Variants in ABL1 observed in about 807,000 individuals in gnomAD.
ABL1 encodes the protein tyrosine-protein kinase ABL1.
Under a neutral mutation model 94.7 loss-of-function variants are expected in ABL1, and 11 were observed. That is an observed-to-expected ratio of 0.12 (90% confidence interval 0.07 to 0.19). The LOEUF is 0.19. Ranked by LOEUF, ABL1 falls within the 10% of genes least tolerant of loss-of-function variation. ABL1 has a pLI of 1.00. For synonymous variants in ABL1, 656 were observed against 622.4 expected (o/e 1.05, Z -0.80); for missense variants, 1,082 against 1,489.4 (o/e 0.73, Z 4.50).
chr9:130,795,293 C>T (rs1829960497), intron 1 of ABL1, among the ~76,000 whole-genome samples: 1 of 152,178 alleles, frequency 6.6e-6, no homozygotes, highest in South Asian at 2.1e-4. Context: ...CTGACCTTTC[C>T]TTAATACAGC....
At chr9:130,767,864 A>G (rs1832204008) in intron 1 of ABL1, among the ~76,000 whole-genome samples, 1 of 152,252 alleles carries the variant, frequency 6.6e-6, no homozygotes, top group Non-Finnish European at 1.5e-5. Context: ...TGCAGAAGAA[A>G]GTGACATGTT....
Position 130,885,025 on chromosome 9 carries a change from G to A in ABL1, c.2735G>A (p.Gly912Glu), listed in dbSNP as rs1168825454. Reference sequence around the variant, plus strand: ...GCAGCCTCTGCAGGGAAGGCTGGAGGAAAGCCCTCGCAGAGCCCGAGCCAG... The same window carrying A: ...GCAGCCTCTGCAGGGAAGGCTGGAGAAAAGCCCTCGCAGAGCCCGAGCCAG... ...PPAASAGKAG[G>E]KPSQSPSQEA... Residue 912 changes from glycine to glutamate, a missense_variant, in exon 11 of 11, where the codon GGA becomes GAA. Physicochemically the swap from Gly to Glu is moderately conservative, Grantham distance 98. This residue lies in a region of ABL1 where 780 missense variants were observed against 835.8 expected (regional missense o/e 0.93). Coordinates refer to ENST00000318560, the MANE Select transcript of ABL1 (RefSeq NM_005157.6). 1 of 1,611,406 alleles carries A rather than the reference G, an allele frequency of 6.2e-7. No individual in the cohort carries two copies. The highest frequency in any genetic ancestry group is 1.3e-5 in the African/African-American group (1 of 74,922).
In ABL1 at chr9:130,824,738, G is replaced by A. The variant is rs35936531; in HGVS notation, c.137-29326G>A. Among the ~76,000 whole-genome samples the A allele has an allele frequency of 1.1e-4, 17 of 152,272 alleles. No individual in the cohort carries two copies. The East Asian group carries it at 3.1e-3, about 28-fold the overall frequency. ...TTTCAAGCGGCTGCATGGCCACTGA[G>A]CGAGCCCTTTCCTGCCATCACCACA... On this transcript the variant is annotated intron_variant, in intron 1 of 10. Transcript: ENST00000372348.
At chr9:130,850,954 C>T (rs1220873189) in intron 1 of ABL1, among the ~76,000 whole-genome samples, 4 of 151,960 alleles carry the variant, frequency 2.6e-5, no homozygotes, top group Admixed American at 2.6e-4. Context: ...GAGAGAGTCT[C>T]GCTCTGTCAC....
chr9:130,833,105 AT>A (rs200586612), upstream of ABL1, among the ~76,000 whole-genome samples: 3,230 of 149,220 alleles, frequency 0.022, 85 homozygotes, highest in African/African-American at 0.06. Context: ...GCTTAAAAAA[AT>A]AAACATATAC....
intron 1 of ABL1, among the ~76,000 whole-genome samples, chr9:130,755,734 T>A (rs1832034010): frequency 6.6e-6 from 1 of 152,218 alleles, no homozygotes; most frequent in Admixed American, 6.5e-5. Flanking sequence ...GCAAATGACG[T>A]TGCCACCAGC....
At chr9:130,871,783 G>T (rs1033981078) in intron 4 of ABL1, among the ~76,000 whole-genome samples, 6 of 152,236 alleles carry the variant, frequency 3.9e-5, no homozygotes, top group African/African-American at 9.6e-5. Flanking sequence ...CACGTTTGTG[G>T]TGTTTGCCCG....
intron 3 of ABL1, 115 bp downstream of exon 3, chr9:130,855,211 T>C (rs1564312673): frequency 1.6e-6 from 2 of 1,240,836 alleles, no homozygotes; most frequent in Non-Finnish European, 2.2e-6. Context: ...GTTTAAAGAA[T>C]CTTTCAGGTG....
At chr9:130,801,946 T>C (rs1326241681) in intron 1 of ABL1, among the ~76,000 whole-genome samples, 1 of 152,184 alleles carries the variant, frequency 6.6e-6, no homozygotes, top group Admixed American at 6.5e-5. Flanking sequence ...CTGCGTATCA[T>C]TAAGTTTGGG....
chr9:130,772,497 T>G (rs1832264765), intron 1 of ABL1, among the ~76,000 whole-genome samples: 1 of 152,128 alleles, frequency 6.6e-6, no homozygotes, highest in Admixed American at 6.6e-5. Flanking sequence ...TGTGAAGAAT[T>G]ATAGCGGTTG....
intron 1 of ABL1, among the ~76,000 whole-genome samples, chr9:130,793,339 C>G (rs577734781): frequency 6.6e-6 from 1 of 152,168 alleles, no homozygotes; most frequent in African/African-American, 2.4e-5. Context: ...ATCTATTTGC[C>G]CATCACCTCT....
At chr9:130,765,654 T>C (rs879474715) in intron 1 of ABL1, among the ~76,000 whole-genome samples, 5 of 152,174 alleles carry the variant, frequency 3.3e-5, no homozygotes, top group Admixed American at 3.3e-4. Flanking sequence ...TCATTTCTCT[T>C]ATAAGGAAGG....
intron 1 of ABL1, among the ~76,000 whole-genome samples, chr9:130,724,304 GAA>G (rs1306364091): frequency 6.6e-6 from 1 of 152,060 alleles, no homozygotes; most frequent in East Asian, 1.9e-4. Context: ...TTCTTGATAA[GAA>G]TGATATTAAA....
At chr9:130,727,396 G>A (rs930607989) in intron 1 of ABL1, among the ~76,000 whole-genome samples, 1 of 151,990 alleles carries the variant, frequency 6.6e-6, no homozygotes, top group African/African-American at 2.4e-5. Flanking sequence ...AGAGAGTGAT[G>A]CTGAAGATCA....
intron 1 of ABL1, among the ~76,000 whole-genome samples, chr9:130,807,822 C>T (rs527296779): frequency 2.9e-4 from 43 of 150,036 alleles, no homozygotes; most frequent in Non-Finnish European, 5.8e-4. Context: ...CTCAGCCTCC[C>T]GAGTAGCTGG....
chr9:130,794,031 A>G (rs572193148), intron 1 of ABL1, among the ~76,000 whole-genome samples: 2 of 152,250 alleles, frequency 1.3e-5, no homozygotes, highest in South Asian at 2.1e-4. Flanking sequence ...CACTGATTCT[A>G]CATTACAGTG....
chr9:130,714,849 A>G (rs1183420558), intron 1 of ABL1, among the ~76,000 whole-genome samples: 2 of 152,184 alleles, frequency 1.3e-5, no homozygotes, highest in East Asian at 3.8e-4. Flanking sequence ...TGCTTTGTCT[A>G]CAGAGAGCTT....
Position 130,872,756 on chromosome 9 carries a change from T to C in ABL1, c.908-104T>C, listed in dbSNP as rs542596054. The C allele has an allele frequency of 8.0e-6, 10 of 1,248,988 alleles. No homozygotes were observed. In the Admixed American group the frequency reaches 2.2e-4, roughly 28 times the overall value. 77.4% of individuals were successfully genotyped at this position (1,248,988 alleles called of 1,614,324 possible). ...CCATGTTGGAAGTTGGGCCCAGGAC[T>C]GAGGAGCAGAGTCAGAATCCTTCAG... On this transcript the variant is annotated intron_variant, in intron 5 of 10. Coordinates refer to ENST00000318560, the MANE Select transcript of ABL1 (RefSeq NM_005157.6). This position sits in a 1 kb window ranked among gnomAD's most constrained non-coding sequence, Gnocchi z 5.0.
chr9:130,792,614 C>T (rs1289183429), intron 1 of ABL1, among the ~76,000 whole-genome samples: 4 of 152,090 alleles, frequency 2.6e-5, no homozygotes, highest in Non-Finnish European at 5.9e-5. Flanking sequence ...GTTTAAGATG[C>T]GTGAAAAATG....
Sources: allele counts gnomAD v4.1 joint callset (sites outside exome capture counted in the v4.1 genomes callset), GRCh38; gene constraint gnomAD v4.1.1; regional missense constraint gnomAD v4.1.1; non-coding constraint Gnocchi (gnomAD v3.1); transcripts MANE v1.5; gene names NCBI Gene and HGNC (gene_info 2026-07-23, HGNC 2026-07-21).